Variants in HNRNPR observed in about 807,000 individuals in gnomAD.
The protein encoded by HNRNPR is heterogeneous nuclear ribonucleoprotein R.
A neutral mutation model predicts 70.3 loss-of-function variants in HNRNPR; 4 were observed. The observed-to-expected ratio is 0.06, with a 90% CI of 0.03 to 0.13. The LOEUF (loss-of-function observed/expected upper bound fraction) is 0.13. Ranked by LOEUF, HNRNPR falls within the 10% of genes least tolerant of loss-of-function variation. The pLI, the probability that HNRNPR is intolerant of heterozygous loss-of-function variation, is 1.00. For missense variants in HNRNPR, 423 were observed against 788.5 expected, an observed-to-expected ratio of 0.54 and a Z score of 5.55; for synonymous variants, 241 against 267.6, an observed-to-expected ratio of 0.90 and a Z score of 0.97.
chr1:23,325,489 C>A (rs1390105416), intron 5 of HNRNPR, among the ~76,000 whole-genome samples: 1 of 152,176 alleles, frequency 6.6e-6, no homozygotes, highest in Non-Finnish European at 1.5e-5. Flanking sequence ...ATAGTTATTG[C>A]AATTCTTCTA....
intron 4 of HNRNPR, among the ~76,000 whole-genome samples, chr1:23,334,234 CTTT>C (rs35129252): frequency 2.9e-5 from 3 of 105,198 alleles, no homozygotes; most frequent in African/African-American, 7.6e-5. Flanking sequence ...TTCTAGTGTA[CTTT>C]TTTTTTTTTT....
rs1291180751 is a variant in HNRNPR at position 23,306,213 on chromosome 1, C to T, written c.*4241G>A. ...TATTTCATTACTTCATACTTGCAGGCCTTTCCTGCTGATCTGCTACCAATT... is the reference window on the plus strand; with the variant it reads ...TATTTCATTACTTCATACTTGCAGGTCTTTCCTGCTGATCTGCTACCAATT... On this transcript the variant is annotated 3_prime_UTR_variant, in exon 11 of 11. Transcript: ENST00000302271. The T allele has an allele frequency of 2.0e-5, 3 of 152,024 alleles. No homozygotes were observed. Among genetic ancestry groups the T allele is most frequent in the Admixed American group, 6.6e-5 (1 of 15,260 alleles). The allele number at this position is 152,024 out of a possible 1,614,324, so 9.4% of individuals were successfully genotyped here. A position where few individuals can be genotyped will look rare whatever the true frequency, so the allele number is the denominator to read the frequency against.
intron 4 of HNRNPR, among the ~76,000 whole-genome samples, chr1:23,337,467 C>T (rs1165153534): frequency 6.6e-6 from 1 of 152,058 alleles, no homozygotes; most frequent in Non-Finnish European, 1.5e-5. Context: ...ACCAATCTGG[C>T]CAACACAGTG....
chr1:23,307,958 G>C lies in HNRNPR; in HGVS notation c.*2496C>G, dbSNP rs1371428505. 1.3e-5 allele frequency: 2 copies of C among 151,226 alleles called. No individual in the cohort carries two copies. Among genetic ancestry groups the C allele is most frequent in the Non-Finnish European group, 3.0e-5 (2 of 67,774 alleles). 9.4% of individuals were successfully genotyped at this position (151,226 alleles called of 1,614,324 possible). A position where few individuals can be genotyped will look rare whatever the true frequency, so the allele number is the denominator to read the frequency against. ...TCTAGAATAAAGACCTCCCTCAACT[G>C]ACATTTTTCAGGTTTATATATTACA... On this transcript the variant is annotated 3_prime_UTR_variant, in exon 11 of 11. Transcript: ENST00000302271.
chr1:23,341,172 T>C (rs1031658084), intron 1 of HNRNPR, among the ~76,000 whole-genome samples, 155 bp from the exon 2 acceptor site: 2 of 152,152 alleles, frequency 1.3e-5, no homozygotes, highest in East Asian at 1.9e-4. Context: ...CTGACCTAAA[T>C]TGGCAATAAT....
At chr1:23,342,143 A>G (rs1479429008) in intron 1 of HNRNPR, among the ~76,000 whole-genome samples, 1 of 152,234 alleles carries the variant, frequency 6.6e-6, no homozygotes, top group Non-Finnish European at 1.5e-5. Flanking sequence ...GTCATCTATA[A>G]AGAAAATACA....
intron 5 of HNRNPR, among the ~76,000 whole-genome samples, chr1:23,331,178 A>G (rs1002793741): frequency 6.6e-6 from 1 of 152,214 alleles, no homozygotes; most frequent in Non-Finnish European, 1.5e-5. Context: ...AGAAGAATGC[A>G]TCTTTCTCCT....
In HNRNPR at chr1:23,318,811, T is replaced by C; in HGVS notation, c.812-123A>G. 1.3e-6 allele frequency: 1 copy of C among 779,580 alleles called. No individual in the cohort carries two copies. Among genetic ancestry groups the C allele is most frequent in the Non-Finnish European group, 2.1e-6 (1 of 479,046 alleles). The allele number at this position is 779,580 out of a possible 1,614,324, so 48.3% of individuals were successfully genotyped here. A position where few individuals can be genotyped will look rare whatever the true frequency, so the allele number is the denominator to read the frequency against. On this transcript the variant is annotated intron_variant, in intron 7 of 10. Coordinates refer to ENST00000302271, the MANE Select transcript of HNRNPR (RefSeq NM_005826.5). This position sits in a 1 kb window ranked among gnomAD's most constrained non-coding sequence, Gnocchi z 4.2. ...GTGAAGCAGCCTCAACATGAGTCAC[T>C]AATTTTGTAGACAATTAGATCAACA...
At position 23,337,874 on chromosome 1, in the gene HNRNPR, A is replaced by C. The variant is rs761409075; in HGVS notation, c.277-13T>G. On this transcript the variant is annotated splice_polypyrimidine_tract_variant and intron_variant, in intron 3 of 10. Transcript: ENST00000302271. ...ATGCACTTTTGTTCTAGAACAGACA[A>C]GTAATTCAATAAAAAGAATCACCAA... 13 of 1,480,684 alleles carry C rather than the reference A, an allele frequency of 8.8e-6. No individual in the cohort carries two copies. Among genetic ancestry groups the C allele is most frequent in the Non-Finnish European group, 1.2e-5 (13 of 1,074,756 alleles). The allele number at this position is 1,480,684 out of a possible 1,614,324, so 91.7% of individuals were successfully genotyped here.
chr1:23,329,853 A>T (rs1308590666), intron 5 of HNRNPR, among the ~76,000 whole-genome samples: 1 of 152,112 alleles, frequency 6.6e-6, no homozygotes, highest in Non-Finnish European at 1.5e-5. Context: ...TTGGTCTCAA[A>T]CACCTGGGTT....
At chr1:23,329,800 T>A (rs1025681037) in intron 5 of HNRNPR, among the ~76,000 whole-genome samples, 8 of 152,068 alleles carry the variant, frequency 5.3e-5, no homozygotes, top group African/African-American at 1.7e-4. Context: ...CCTGGCTAAT[T>A]TTTTATTTTT....
intron 5 of HNRNPR, among the ~76,000 whole-genome samples, chr1:23,327,646 C>T (rs763648887): frequency 1.4e-4 from 21 of 151,862 alleles, no homozygotes; most frequent in Non-Finnish European, 1.5e-4. Context: ...GCGGAGATCA[C>T]GCCACTGCAC....
At chr1:23,325,755 C>T (rs1390511804) in intron 5 of HNRNPR, among the ~76,000 whole-genome samples, 1 of 152,184 alleles carries the variant, frequency 6.6e-6, no homozygotes, top group Non-Finnish European at 1.5e-5. Flanking sequence ...CAGTACCATC[C>T]TTCCCTTCCC....
chr1:23,338,892 T>C (rs1646605751), intron 2 of HNRNPR, among the ~76,000 whole-genome samples: 1 of 152,118 alleles, frequency 6.6e-6, no homozygotes, highest in Non-Finnish European at 1.5e-5. Flanking sequence ...CCCCCAAAGG[T>C]ATAAGTCTTG....
intron 6 of HNRNPR, 92 bp downstream of exon 6, chr1:23,323,463 GA>G: frequency 8.4e-7 from 1 of 1,190,248 alleles, no homozygotes; most frequent in South Asian, 1.5e-5. Flanking sequence ...AACAACTGAA[GA>G]AATCAAAATA....
chr1:23,320,699 T>A (rs1301082129), intron 7 of HNRNPR, among the ~76,000 whole-genome samples: 8 of 152,076 alleles, frequency 5.3e-5, no homozygotes, highest in Non-Finnish European at 1.2e-4. Context: ...TAGTATTAGA[T>A]CACAATTGGC....
chr1:23,333,629 G>A lies in HNRNPR; in HGVS notation c.387C>T (p.Ala129=), dbSNP rs767869850. Residue 129 remains alanine, a splice_region_variant and synonymous_variant, in exon 5 of 11, where the codon GCC becomes GCT. Coordinates refer to ENST00000302271, the MANE Select transcript of HNRNPR (RefSeq NM_005826.5). ...TKGPDEAKIK[A]LLERTGYTLD... ...GAGTATAACCAGTTCTCTCAAGCAA[G>A]GCCTAGAGATAATTATACATCTCTT... 6.4e-7 allele frequency: 1 copy of A among 1,559,758 alleles called. No individual in the cohort carries two copies. The highest frequency in any genetic ancestry group is 8.8e-7 in the Non-Finnish European group (1 of 1,130,520).
At position 23,318,164 on chromosome 1, in the gene HNRNPR, C is replaced by CT. The variant is rs909322903; in HGVS notation, c.1017+318dup. 1.5e-4 allele frequency among the ~76,000 whole-genome samples: 22 copies of CT among 146,846 alleles called. No individual in the cohort carries two copies. Among genetic ancestry groups the CT allele is most frequent in the African/African-American group, 5.5e-4 (21 of 38,002 alleles). On this transcript the variant is annotated intron_variant, in intron 8 of 10. Coordinates refer to ENST00000302271, the MANE Select transcript of HNRNPR (RefSeq NM_005826.5). The surrounding 1 kb of genome is among the most constrained non-coding windows in gnomAD (Gnocchi z 4.2). ...ACATTACTTCTCTCTTTACTCAGGACTTTTAAAAAAAAAAAAAACCTCTAT... is the reference window on the plus strand; with the variant it reads ...ACATTACTTCTCTCTTTACTCAGGACTTTTTAAAAAAAAAAAAAACCTCTAT...
intron 7 of HNRNPR, among the ~76,000 whole-genome samples, chr1:23,319,544 T>C (rs1292444007): frequency 6.6e-6 from 1 of 152,192 alleles, no homozygotes; most frequent in East Asian, 1.9e-4. Context: ...TCTGTACTAG[T>C]ATGACAGCTT....
Sources: gnomAD v4.1 joint callset for allele counts (sites outside exome capture counted in the v4.1 genomes callset) on GRCh38, gnomAD v4.1.1 for gene constraint, Gnocchi (gnomAD v3.1) non-coding constraint, MANE v1.5 for transcripts, NCBI Gene and HGNC (gene_info 2026-07-23, HGNC 2026-07-21) for gene names.